The following PRKAR2B variants were observed in gnomAD, a reference collection of about 807,000 sequenced individuals.
PRKAR2B encodes cAMP-dependent protein kinase type II-beta regulatory subunit.
A neutral mutation model predicts 49.9 loss-of-function variants in PRKAR2B; 14 were observed. The ratio of observed to expected loss-of-function variants is 0.28; its 90% CI spans 0.19 to 0.44. PRKAR2B has a LOEUF of 0.44. Ranked by LOEUF, PRKAR2B falls within the 20% of genes least tolerant of loss-of-function variation. The pLI is 1.00. For synonymous variants in PRKAR2B, 196 were observed against 197.7 expected (o/e 0.99, Z 0.07); for missense variants, 393 against 537.9 (o/e 0.73, Z 2.67).
intron 6 of PRKAR2B, among the ~76,000 whole-genome samples, chr7:107,147,821 G>C (rs1161127298): frequency 6.6e-6 from 1 of 152,194 alleles, no homozygotes; most frequent in East Asian, 1.9e-4. Context: ...AAGAGAAGAG[G>C]TTGAAGTAAA....
chr7:107,044,805 G>C lies in PRKAR2B; in HGVS notation c.-103G>C. On this transcript the variant is annotated 5_prime_UTR_variant, in exon 1 of 11. Coordinates refer to ENST00000265717, the MANE Select transcript of PRKAR2B (RefSeq NM_002736.3). ...CAGTGCGCCGCGCTCGCAGCCGGTA[G>C]CGCGCCAGCGCCGTAGGCGCTCGCT... The C allele has an allele frequency of 1.1e-6, 1 of 918,378 alleles. No homozygotes were observed. Among genetic ancestry groups the C allele is most frequent in the Non-Finnish European group, 1.4e-6 (1 of 716,178 alleles). 56.9% of individuals were successfully genotyped at this position (918,378 alleles called of 1,614,324 possible).
At chr7:107,152,776 G>A (rs1402293369) in intron 7 of PRKAR2B, among the ~76,000 whole-genome samples, 1 of 152,170 alleles carries the variant, frequency 6.6e-6, no homozygotes, top group Non-Finnish European at 1.5e-5. Flanking sequence ...ATCTTTTCCA[G>A]CAGCATATTT....
chr7:107,112,529 T>C (rs1172606768), intron 2 of PRKAR2B, among the ~76,000 whole-genome samples: 1 of 152,132 alleles, frequency 6.6e-6, no homozygotes, highest in African/African-American at 2.4e-5. Flanking sequence ...AAAAATTGTT[T>C]TACAGGAGTA....
rs1215265849 is a variant in PRKAR2B, at chr7:107,161,193, T to C, written c.*1611T>C. On this transcript the variant is annotated 3_prime_UTR_variant, in exon 11 of 11. Coordinates refer to ENST00000265717, the MANE Select transcript of PRKAR2B (RefSeq NM_002736.3). ...GTTTAACATTTTTGCAAAACCTTCT[T>C]GTAGGAAAAGAGAGCTCTCTACATG... is the stretch of plus-strand genomic sequence containing the variant. 1 of 152,200 alleles carries C rather than the reference T, an allele frequency of 6.6e-6. No individual in the cohort carries two copies. Among genetic ancestry groups the C allele is most frequent in the Non-Finnish European group, 1.5e-5 (1 of 68,022 alleles). 9.4% of individuals were successfully genotyped at this position (152,200 alleles called of 1,614,324 possible).
At chr7:107,108,181 G>A (rs182200413) in intron 2 of PRKAR2B, among the ~76,000 whole-genome samples, 21 of 152,152 alleles carry the variant, frequency 1.4e-4, no homozygotes, top group East Asian at 1.2e-3. Context: ...CCAAAGGCAC[G>A]AGACCTAACA....
At chr7:107,092,508 C>A (rs1463397507) in intron 2 of PRKAR2B, among the ~76,000 whole-genome samples, 2 of 151,938 alleles carry the variant, frequency 1.3e-5, no homozygotes, top group African/African-American at 4.8e-5. Flanking sequence ...AAATGAGGGA[C>A]ATAGACTATC....
intron 1 of PRKAR2B, among the ~76,000 whole-genome samples, chr7:107,050,755 C>G (rs1793784950): frequency 6.6e-6 from 1 of 152,016 alleles, no homozygotes; most frequent in Non-Finnish European, 1.5e-5. Context: ...CTGGGATGGC[C>G]TATTAGAAAC....
intron 8 of PRKAR2B, among the ~76,000 whole-genome samples, chr7:107,155,678 T>C (rs1796069747): frequency 6.6e-6 from 1 of 152,220 alleles, no homozygotes; most frequent in Non-Finnish European, 1.5e-5. Context: ...TTTGATTCTT[T>C]TGAGAAGTGT....
At chr7:107,046,110 C>T (rs2116741028) in intron 1 of PRKAR2B, among the ~76,000 whole-genome samples, 1 of 152,168 alleles carries the variant, frequency 6.6e-6, no homozygotes, top group East Asian at 1.9e-4. Flanking sequence ...CCTGGCAAGT[C>T]CCACCCCTTC....
chr7:107,161,530 T>C lies in PRKAR2B; in HGVS notation c.*1948T>C, dbSNP rs1293699486. Reference sequence around the variant, plus strand: ...ACATGAATTATTGTTTTTCATACTTTTTTGCTTGTTTCTTTAAAGTTTTCT... The same window carrying C: ...ACATGAATTATTGTTTTTCATACTTCTTTGCTTGTTTCTTTAAAGTTTTCT... On this transcript the variant is annotated 3_prime_UTR_variant, in exon 11 of 11. Transcript: ENST00000265717. 2 of 152,638 alleles carry C rather than the reference T, an allele frequency of 1.3e-5. No homozygotes were observed. The highest frequency in any genetic ancestry group is 4.8e-5 in the African/African-American group (2 of 41,460). 9.5% of individuals were successfully genotyped at this position (152,638 alleles called of 1,614,324 possible).
At chr7:107,122,904 C>G (rs1383519602) in intron 3 of PRKAR2B, among the ~76,000 whole-genome samples, 1 of 152,144 alleles carries the variant, frequency 6.6e-6, no homozygotes, top group Non-Finnish European at 1.5e-5. Context: ...TGTGGAAGCT[C>G]ATTTCTCACT....
At chr7:107,151,813 G>A (rs538615792) in intron 7 of PRKAR2B, among the ~76,000 whole-genome samples, 12 of 152,236 alleles carry the variant, frequency 7.9e-5, no homozygotes, top group African/African-American at 2.4e-4. Context: ...GGAGAAGATC[G>A]AAACTCAAAA....
chr7:107,069,107 G>A (rs1004990463), intron 1 of PRKAR2B, among the ~76,000 whole-genome samples: 4 of 152,088 alleles, frequency 2.6e-5, no homozygotes, highest in Non-Finnish European at 5.9e-5. Flanking sequence ...GCTAATTTTT[G>A]TAGTTTTTAG....
intron 5 of PRKAR2B, among the ~76,000 whole-genome samples, chr7:107,144,649 CAG>C (rs1345434734): frequency 1.3e-5 from 2 of 151,460 alleles, no homozygotes; most frequent in African/African-American, 4.9e-5. Context: ...TTTGTAGAGA[CAG>C]AGTCTTGCTA....
intron 2 of PRKAR2B, among the ~76,000 whole-genome samples, chr7:107,084,878 G>A (rs918455732): frequency 1.7e-4 from 26 of 151,918 alleles, no homozygotes; most frequent in Non-Finnish European, 3.1e-4. Context: ...ACCCGCCTCG[G>A]CCTCCCAAAG....
intron 2 of PRKAR2B, among the ~76,000 whole-genome samples, chr7:107,072,941 G>T (rs1019102137): frequency 1.3e-5 from 2 of 152,096 alleles, no homozygotes; most frequent in Non-Finnish European, 2.9e-5. Flanking sequence ...GTAAGAGTTT[G>T]TTTTTTATTC....
intron 2 of PRKAR2B, among the ~76,000 whole-genome samples, chr7:107,076,752 A>T (rs555504293): frequency 3.0e-4 from 45 of 152,290 alleles, no homozygotes; most frequent in Admixed American, 2.8e-3. Flanking sequence ...CTAAAATTTT[A>T]TAATTTTCTG....
rs1162872950 is a variant in PRKAR2B at position 107,045,099 on chromosome 7, T to C, written c.192T>C (p.Ala64=). Residue 64 remains alanine, a synonymous_variant, in exon 1 of 11, where the codon GCT becomes GCC. Coordinates refer to ENST00000265717, the MANE Select transcript of PRKAR2B (RefSeq NM_002736.3). The stretch of plus-strand genomic sequence containing the variant: ...GGACCTGGGGGGACCTGGGCGCCGC[T>C]GCCGGGGGCGGCACCCCCAGCAAGG... ...EGRTWGDLGA[A]AGGGTPSKGV... is the part of the protein sequence containing the mutation. 1.3e-6 allele frequency: 2 copies of C among 1,528,998 alleles called. No homozygotes were observed. Among genetic ancestry groups the C allele is most frequent in the Non-Finnish European group, 1.8e-6 (2 of 1,140,920 alleles). The allele number at this position is 1,528,998 out of a possible 1,614,324, so 94.7% of individuals were successfully genotyped here.
intron 2 of PRKAR2B, among the ~76,000 whole-genome samples, chr7:107,089,731 T>G (rs1361441632): frequency 6.6e-6 from 1 of 152,232 alleles, no homozygotes; most frequent in Non-Finnish European, 1.5e-5. Flanking sequence ...TTTTGCAGAT[T>G]TATTCATTTG....
Sources: gnomAD v4.1 joint callset for allele counts (sites outside exome capture counted in the v4.1 genomes callset) on GRCh38, gnomAD v4.1.1 for gene constraint, MANE v1.5 for transcripts, NCBI Gene and HGNC (gene_info 2026-07-23, HGNC 2026-07-21) for gene names.